The following UCN3 variants were observed in gnomAD, a reference collection of about 807,000 sequenced individuals.
The protein encoded by UCN3 is urocortin-3.
In UCN3, 3 loss-of-function variants were observed where a neutral mutation model predicts 3.6. The ratio of observed to expected loss-of-function variants is 0.83; its 90% CI spans 0.38 to 2.15. The LOEUF (loss-of-function observed/expected upper bound fraction) is 2.15, where lower values mean the gene tolerates loss of function less well. Among genes scored for constraint, UCN3 ranks in the 30% most tolerant of loss-of-function variants. The pLI is 0.06. For synonymous variants in UCN3, 100 were observed against 93.2 expected (o/e 1.07, Z -0.42); for missense variants, 206 against 208.3 (o/e 0.99, Z 0.07).
At position 5,370,854 on chromosome 10, in the gene UCN3, T is replaced by C. The variant is rs555047044; in HGVS notation, c.-6-2861T>C. On this transcript the variant is annotated intron_variant, in intron 1 of 1. Coordinates refer to ENST00000380433, the MANE Select transcript of UCN3 (RefSeq NM_053049.4). The stretch of plus-strand genomic sequence containing the variant: ...GTGTGTGTGCGCGTGTGTGTGCGCG[T>C]GTGTGTGCGTGTGTATGTGTGTGTA... Among the ~76,000 whole-genome samples, 61 of 124,218 alleles carry C rather than the reference T, an allele frequency of 4.9e-4. 13 individuals are homozygous for C. Among genetic ancestry groups the C allele is most frequent in the Admixed American group, 7.6e-4 (9 of 11,908 alleles). The allele number at this position is 124,218 out of a possible 152,430, so 81.5% of individuals were successfully genotyped here. A position where few individuals can be genotyped will look rare whatever the true frequency, so the allele number is the denominator to read the frequency against.
At chr10:5,368,149 G>A (rs1179446677) in intron 1 of UCN3, among the ~76,000 whole-genome samples, 10 of 152,072 alleles carry the variant, frequency 6.6e-5, no homozygotes, top group African/African-American at 2.2e-4. Flanking sequence ...GATTACAGGC[G>A]TGTGCCACCA....
At chr10:5,370,029 A>G (rs1450577686) in intron 1 of UCN3, among the ~76,000 whole-genome samples, 15 of 78,988 alleles carry the variant, frequency 1.9e-4, no homozygotes, top group South Asian at 4.7e-4. Context: ...ATGTGTGTGT[A>G]TATGCGTGTG....
At chr10:5,370,061 G>A (rs143411097) in intron 1 of UCN3, among the ~76,000 whole-genome samples, 11 of 77,412 alleles carry the variant, frequency 1.4e-4, no homozygotes, top group Non-Finnish European at 2.6e-4. Flanking sequence ...GTATGTGTGT[G>A]TATATGTGTG....
rs1320526228 is a variant in UCN3, at chr10:5,365,561, C to T, written c.-7+331C>T. On this transcript the variant is annotated intron_variant, in intron 1 of 1. Coordinates refer to ENST00000380433, the MANE Select transcript of UCN3 (RefSeq NM_053049.4). The surrounding 1 kb of genome is among the most constrained non-coding windows in gnomAD (Gnocchi z 4.4). ...AGCTGTGCACAGGAAAGTCAGTCCT[C>T]GGAGACAGTTTACAAATGGGGATGG... is the stretch of plus-strand genomic sequence containing the variant. Among the ~76,000 whole-genome samples, 1 of 152,172 alleles carries T rather than the reference C, an allele frequency of 6.6e-6. No individual in the cohort carries two copies. The highest frequency in any genetic ancestry group is 2.4e-5 in the African/African-American group (1 of 41,430).
rs1229598279 is a variant in UCN3 at position 5,370,019 on chromosome 10, ATG to A, written c.-6-3688_-6-3687del. ...TATGTGTGTGTGTATGTGTGTGTAT[ATG>A]TGTGTGTATATGCGTGTGTATATGC... On this transcript the variant is annotated intron_variant, in intron 1 of 1. Transcript: ENST00000380433. Among the ~76,000 whole-genome samples the A allele has an allele frequency of 5.7e-4, 46 of 80,388 alleles. 5 individuals are homozygous for A. The highest frequency in any genetic ancestry group is 1.3e-3 in the African/African-American group (21 of 15,906). The allele number at this position is 80,388 out of a possible 152,430, so 52.7% of individuals were successfully genotyped here.
chr10:5,372,191 G>T (rs557714199), intron 1 of UCN3, among the ~76,000 whole-genome samples: 1 of 152,312 alleles, frequency 6.6e-6, no homozygotes, highest in Admixed American at 6.5e-5. Context: ...GTGTGTGCCC[G>T]CAGACCAGGC....
Position 5,366,970 on chromosome 10 carries a change from G to A in UCN3, c.-7+1740G>A, listed in dbSNP as rs1434086153. ...CTTCAGCACCCTAGCCGTGATTACA[G>A]TATTCTTCTCTGATGGTAGACTTGG... On this transcript the variant is annotated intron_variant, in intron 1 of 1. Transcript: ENST00000380433. This position sits in a 1 kb window ranked among gnomAD's most constrained non-coding sequence, Gnocchi z 4.2. 2.6e-5 allele frequency among the ~76,000 whole-genome samples: 4 copies of A among 152,156 alleles called. No individual in the cohort carries two copies. The highest frequency in any genetic ancestry group is 7.2e-5 in the African/African-American group (3 of 41,430).
intron 1 of UCN3, among the ~76,000 whole-genome samples, chr10:5,369,991 GTGTATGTGTGTGTGTA>G (rs1831327738): frequency 1.5e-5 from 2 of 133,126 alleles, no homozygotes; most frequent in Non-Finnish European, 3.2e-5. Flanking sequence ...GTGTATATGT[GTGTATGTGTGTGTGTA>G]TGTGTGTGTA....
intron 1 of UCN3, among the ~76,000 whole-genome samples, chr10:5,370,728 G>T (rs957765842): frequency 9.0e-6 from 1 of 110,632 alleles, no homozygotes. Context: ...GTGTATATGC[G>T]TGTGTATATG....
At chr10:5,370,509 GTATA>G (rs782286558) in intron 1 of UCN3, among the ~76,000 whole-genome samples, 2 of 110,274 alleles carry the variant, frequency 1.8e-5, no homozygotes, top group Admixed American at 1.0e-4. Flanking sequence ...ATATGCGTGT[GTATA>G]TGTGTGTGTA....
intron 1 of UCN3, among the ~76,000 whole-genome samples, chr10:5,368,182 T>A (rs965290353): frequency 6.6e-6 from 1 of 151,992 alleles, no homozygotes; most frequent in South Asian, 2.1e-4. Context: ...TTTTGTATTT[T>A]TAGTAGAGAC....
Position 5,374,415 on chromosome 10 carries a change from AAGT to A in UCN3, c.*210_*212del. Reference sequence around the variant, plus strand: ...CCTCCTGCTCTGTCTGTACACACAGAAGTGCAGTATTGTCCAACCTTCCCAGAC... The same window carrying A: ...CCTCCTGCTCTGTCTGTACACACAGAGCAGTATTGTCCAACCTTCCCAGAC... On this transcript the variant is annotated 3_prime_UTR_variant, in exon 2 of 2. Transcript: ENST00000380433. 1.7e-6 allele frequency: 1 copy of A among 578,024 alleles called. No individual in the cohort carries two copies. The highest frequency in any genetic ancestry group is 3.1e-6 in the Non-Finnish European group (1 of 327,494). 35.8% of individuals were successfully genotyped at this position (578,024 alleles called of 1,614,324 possible).
Position 5,369,243 on chromosome 10 carries a change from C to T in UCN3, c.-7+4013C>T, listed in dbSNP as rs1185704653. Among the ~76,000 whole-genome samples the T allele has an allele frequency of 2.6e-5, 4 of 152,216 alleles. No individual in the cohort carries two copies. In the East Asian group the frequency reaches 7.7e-4, roughly 29 times the overall value. ...AATGCTTGCTCAGATTTCCTGGTCT[C>T]TCTGTACATATGTGTATTGTGTATA... On this transcript the variant is annotated intron_variant, in intron 1 of 1. Transcript: ENST00000380433.
chr10:5,371,315 A>G (rs1361591842), intron 1 of UCN3, among the ~76,000 whole-genome samples: 3 of 149,286 alleles, frequency 2.0e-5, no homozygotes, highest in Non-Finnish European at 4.4e-5. Context: ...ATGTATGTGT[A>G]TGTACGTGTA....
At chr10:5,370,881 A>ATG (rs1564443751) in intron 1 of UCN3, among the ~76,000 whole-genome samples, 849 of 80,540 alleles carry the variant, frequency 0.011, 100 homozygotes, top group African/African-American at 0.042. Flanking sequence ...GTGTGTGTAT[A>ATG]TGCGTGTGTA....
At position 5,370,065 on chromosome 10, in the gene UCN3, A is replaced by ATG. The variant is rs1298519779; in HGVS notation, c.-6-3644_-6-3643dup. On this transcript the variant is annotated intron_variant, in intron 1 of 1. Transcript: ENST00000380433. ...TATATGCGTGTGTATGTGTGTGTAT[A>ATG]TGTGTGTATATGCGTGTGTATATGC... is the stretch of plus-strand genomic sequence containing the variant. Among the ~76,000 whole-genome samples the ATG allele has an allele frequency of 2.5e-4, 6 of 23,830 alleles. 1 individual carries two copies. Among genetic ancestry groups the ATG allele is most frequent in the Admixed American group, 1.6e-3 (3 of 1,930 alleles). 15.6% of individuals were successfully genotyped at this position (23,830 alleles called of 152,430 possible).
At position 5,366,199 on chromosome 10, in the gene UCN3, CCAGGTCCCTCACGTTT is replaced by C. The variant is rs1417299940; in HGVS notation, c.-7+973_-7+988del. Among the ~76,000 whole-genome samples, 1 of 152,110 alleles carries C rather than the reference CCAGGTCCCTCACGTTT, an allele frequency of 6.6e-6. No individual in the cohort carries two copies. Among genetic ancestry groups the C allele is most frequent in the Non-Finnish European group, 1.5e-5 (1 of 68,028 alleles). On this transcript the variant is annotated intron_variant, in intron 1 of 1. Coordinates refer to ENST00000380433, the MANE Select transcript of UCN3 (RefSeq NM_053049.4). The surrounding 1 kb of genome is among the most constrained non-coding windows in gnomAD (Gnocchi z 4.2). The stretch of plus-strand genomic sequence containing the variant: ...GAGGTGCTGGGAATTGGAGGCTGAC[CCAGGTCCCTCACGTTT>C]CAGTGCTTGGCTCTGCCACAGCTCC...
intron 1 of UCN3, among the ~76,000 whole-genome samples, chr10:5,371,745 C>T (rs530962605): frequency 2.6e-5 from 4 of 152,318 alleles, no homozygotes; most frequent in Non-Finnish European, 4.4e-5. Flanking sequence ...GCCAGCCTCA[C>T]GCTGCTGAAG....
intron 1 of UCN3, among the ~76,000 whole-genome samples, chr10:5,371,711 C>T (rs1263352935): frequency 6.6e-6 from 1 of 152,170 alleles, no homozygotes; most frequent in Non-Finnish European, 1.5e-5. Context: ...TGCACTGTCA[C>T]CGCAAGGAAC....
Sources: gnomAD v4.1 joint callset for allele counts (sites outside exome capture counted in the v4.1 genomes callset) on GRCh38, gnomAD v4.1.1 for gene constraint, Gnocchi (gnomAD v3.1) non-coding constraint, MANE v1.5 for transcripts, NCBI Gene and HGNC (gene_info 2026-07-23, HGNC 2026-07-21) for gene names.